The following COL6A6 variants were observed in gnomAD, a reference collection of about 807,000 sequenced individuals.
The protein encoded by COL6A6 is collagen type VI alpha 6 chain.
Under a neutral mutation model 208.6 loss-of-function variants are expected in COL6A6, and 183 were observed. The ratio of observed to expected loss-of-function variants is 0.88; its 90% CI spans 0.78 to 0.99. The LOEUF (loss-of-function observed/expected upper bound fraction) is 0.99. COL6A6 is among the 50% of genes least tolerant of loss of function. The probability of loss-of-function intolerance (pLI) is 0.00; values close to 1 mark genes in which losing one functional copy is unlikely to be tolerated. For synonymous variants in COL6A6, 973 were observed against 1,011.8 expected (o/e 0.96, Z 0.73); for missense variants, 2,816 against 2,815.2 (o/e 1.00, Z -0.01).
chr3:130,602,437 A>G (rs2064052607), intron 20 of COL6A6, among the ~76,000 whole-genome samples: 1 of 152,240 alleles, frequency 6.6e-6, no homozygotes, highest in African/African-American at 2.4e-5. Flanking sequence ...AAGAGAAAGA[A>G]AACCATGGGC....
At chr3:130,639,704 A>AG (rs2065257857) in intron 28 of COL6A6, among the ~76,000 whole-genome samples, 1 of 151,852 alleles carries the variant, frequency 6.6e-6, no homozygotes, top group Non-Finnish European at 1.5e-5. Flanking sequence ...AAAAAAAAAA[A>AG]AAAAAATGAC....
rs370679693 is a variant in COL6A6 at position 130,567,152 on chromosome 3, C to G, written c.1733C>G (p.Thr578Arg). Residue 578 changes from threonine to arginine, a missense_variant, in exon 5 of 37, where the codon ACA (threonine) becomes AGA (arginine). Thr to Arg is a moderately conservative substitution (Grantham distance 71). Transcript: ENST00000358511. Reference sequence around the variant, plus strand: ...ATCGGGATCAAGGAGGCCAACCAAACACAGCTGAGAGAAATTGCAGGAGAG... The same window carrying G: ...ATCGGGATCAAGGAGGCCAACCAAAGACAGCTGAGAGAAATTGCAGGAGAG... ...YAIGIKEANQ[T>R]QLREIAGEEK... The G allele has an allele frequency of 6.2e-7, 1 of 1,613,772 alleles. No individual in the cohort carries two copies. The highest frequency in any genetic ancestry group is 8.5e-7 in the Non-Finnish European group (1 of 1,179,890).
intron 26 of COL6A6, among the ~76,000 whole-genome samples, chr3:130,628,224 G>A (rs1238852029): frequency 6.6e-6 from 1 of 152,202 alleles, no homozygotes; most frequent in Admixed American, 6.5e-5. Context: ...CATTAGAACA[G>A]AGAACAGTTA....
chr3:130,658,191 G>T (rs887128863), intron 33 of COL6A6, among the ~76,000 whole-genome samples: 8 of 152,202 alleles, frequency 5.3e-5, no homozygotes, highest in African/African-American at 1.9e-4. Flanking sequence ...GACTTAGGTA[G>T]GGGAGAGGAG....
At chr3:130,639,496 C>T (rs1361426902) in intron 28 of COL6A6, among the ~76,000 whole-genome samples, 1 of 152,098 alleles carries the variant, frequency 6.6e-6, no homozygotes, top group Non-Finnish European at 1.5e-5. Flanking sequence ...AGTTTGAGAC[C>T]AGCCTGAGCA....
chr3:130,533,251 A>C (rs2062146565), intron 1 of COL6A6, among the ~76,000 whole-genome samples: 1 of 56,164 alleles, frequency 1.8e-5, no homozygotes. Context: ...CATCCCAGGA[A>C]TTAAAAAAAA....
chr3:130,519,075 C>T (rs1328426348), intron 1 of COL6A6, among the ~76,000 whole-genome samples: 2 of 151,980 alleles, frequency 1.3e-5, no homozygotes, highest in African/African-American at 2.4e-5. Context: ...TTTTCCATTC[C>T]CTTCAGATAG....
At chr3:130,641,796 A>G in intron 29 of COL6A6, 82 bp downstream of exon 29, 1 of 742,376 alleles carries the variant, frequency 1.3e-6, no homozygotes, top group South Asian at 2.1e-5. Context: ...TCATTGTCCA[A>G]ATGTGCATGC....
chr3:130,555,411 C>G lies in COL6A6; in HGVS notation c.-31-4923C>G, dbSNP rs182388858. ...GTCCTCCCTCTGTCCATTCTCAATGCCTTTGCTCTGAAGGTCTGAGAGTGT... is the reference window on the plus strand; with the variant it reads ...GTCCTCCCTCTGTCCATTCTCAATGGCTTTGCTCTGAAGGTCTGAGAGTGT... On this transcript the variant is annotated intron_variant, in intron 1 of 36. Coordinates refer to ENST00000358511, the MANE Select transcript of COL6A6 (RefSeq NM_001102608.3). Among the ~76,000 whole-genome samples the G allele has an allele frequency of 9.7e-4, 148 of 152,308 alleles. 3 individuals are homozygous for G. The highest frequency in any genetic ancestry group is 8.0e-3 in the Admixed American group (122 of 15,306).
intron 8 of COL6A6, among the ~76,000 whole-genome samples, chr3:130,578,613 A>G (rs12108139): frequency 0.12 from 17,885 of 152,222 alleles, 3,324 homozygotes; most frequent in African/African-American, 0.39. Context: ...AGGGAATAAA[A>G]GAGAGGATTT....
intron 21 of COL6A6, among the ~76,000 whole-genome samples, chr3:130,608,559 A>C (rs940063714): frequency 6.6e-6 from 1 of 152,098 alleles, no homozygotes; most frequent in African/African-American, 2.4e-5. Context: ...TTTGAAGAAA[A>C]TGTGAACTAA....
At chr3:130,583,919 G>A (rs754114779) in intron 10 of COL6A6, among the ~76,000 whole-genome samples, 9 of 152,170 alleles carry the variant, frequency 5.9e-5, no homozygotes, top group South Asian at 2.1e-4. Context: ...ATTTCAGGCC[G>A]GGCATCAATA....
rs553594488 is a variant in COL6A6, at chr3:130,517,244, G to T, written c.-185G>T. On this transcript the variant is annotated 5_prime_UTR_variant, in exon 1 of 37. Transcript: ENST00000358511. The stretch of plus-strand genomic sequence containing the variant: ...CACGCCGCTGCCTGTCCGTTCCACG[G>T]TTCCGAGGTCTCCACCGTCTCCCCG... 6.6e-6 allele frequency among the ~76,000 whole-genome samples: 1 copy of T among 152,312 alleles called. No homozygotes were observed. Among genetic ancestry groups the T allele is most frequent in the East Asian group, 1.9e-4 (1 of 5,160 alleles).
chr3:130,571,514 C>A, intron 7 of COL6A6, 121 bp downstream of exon 7: 2 of 663,520 alleles, frequency 3.0e-6, no homozygotes, highest in Non-Finnish European at 5.0e-6. Flanking sequence ...CTAATTGTTT[C>A]ATAGGACTTT....
At chr3:130,606,848 T>G in intron 20 of COL6A6, 83 bp from the exon 21 acceptor site, 1 of 1,101,678 alleles carries the variant, frequency 9.1e-7, no homozygotes, top group Non-Finnish European at 1.3e-6. Flanking sequence ...TGTTGGTGCC[T>G]TAAAGTGTCC....
chr3:130,604,044 G>T (rs569604479), intron 20 of COL6A6, among the ~76,000 whole-genome samples: 1 of 152,272 alleles, frequency 6.6e-6, no homozygotes, highest in Non-Finnish European at 1.5e-5. Flanking sequence ...AAGTCGTTGG[G>T]TAAACCATTA....
rs201280240 is a variant in COL6A6 at position 130,565,299 on chromosome 3, C to G, written c.967C>G (p.Arg323Gly). 4 of 1,613,862 alleles carry G rather than the reference C, an allele frequency of 2.5e-6. No homozygotes were observed. The Admixed American group carries it at 5.0e-5, about 20-fold the overall frequency. The change falls in exon 4 of 37, where the codon CGG becomes GGG. Residue 323 changes from arginine (R) to glycine (G), a missense_variant. By Grantham distance (125) the Arg-to-Gly change is moderately radical. Coordinates refer to ENST00000358511, the MANE Select transcript of COL6A6 (RefSeq NM_001102608.3). ...KKLRKEVFSA[R>G]NGSRKNQGVP... ...GCTCAGGAAGGAAGTTTTTAGTGCACGGAATGGCAGTCGGAAGAATCAGGG... is the reference window on the plus strand; with the variant it reads ...GCTCAGGAAGGAAGTTTTTAGTGCAGGGAATGGCAGTCGGAAGAATCAGGG...
intron 20 of COL6A6, 74 bp downstream of exon 20, chr3:130,599,884 G>GGA: frequency 7.3e-7 from 1 of 1,375,956 alleles, no homozygotes; most frequent in Non-Finnish European, 1.0e-6. Context: ...TGACTTTGGG[G>GGA]GAGTGGGTGG....
intron 4 of COL6A6, 84 bp from the exon 5 acceptor site, chr3:130,566,618 C>A: frequency 8.8e-7 from 1 of 1,139,306 alleles, no homozygotes. Flanking sequence ...TGAAGAGGTT[C>A]ATATTTGTTC....
Sources: allele counts gnomAD v4.1 joint callset (sites outside exome capture counted in the v4.1 genomes callset), GRCh38; gene constraint gnomAD v4.1.1; transcripts MANE v1.5; gene names NCBI Gene and HGNC (gene_info 2026-07-23, HGNC 2026-07-21).